The following ZRANB3 variants were observed in gnomAD, a reference collection of about 807,000 sequenced individuals.
The protein encoded by ZRANB3 is DNA annealing helicase and endonuclease ZRANB3.
ZRANB3 carries 125 observed loss-of-function variants against 133.8 expected under a neutral mutation model. The ratio of observed to expected loss-of-function variants is 0.93; its 90% CI spans 0.81 to 1.08. The LOEUF (loss-of-function observed/expected upper bound fraction) is 1.08, where lower values mean the gene tolerates loss of function less well. Ranked by LOEUF, ZRANB3 falls within the 50% of genes least tolerant of loss-of-function variation. The pLI is 0.00. For synonymous variants in ZRANB3, 387 were observed against 432.7 expected (o/e 0.89, Z 1.31); for missense variants, 1,229 against 1,275.5 (o/e 0.96, Z 0.56).
Position 135,202,882 on chromosome 2 carries a change from G to A in ZRANB3, c.3091C>T (p.Gln1031Ter). 4 of 1,611,436 alleles carry A rather than the reference G, an allele frequency of 2.5e-6. No individual in the cohort carries two copies. The highest frequency in any genetic ancestry group is 3.4e-6 in the Non-Finnish European group (4 of 1,178,802). ...GTCTGCAGGTTGTCCAGGGAACACT[G>A]TCCTCCTCCCCCATACACTGGCTTG... ...HIKPVYGGGG[Q>*]CSLDNLQTLC... Residue 1031 changes from glutamine (Q) to a stop codon, truncating the protein, a stop_gained, in exon 20 of 21, where the codon CAG (glutamine) becomes TAG (stop). Coordinates refer to ENST00000264159, the MANE Select transcript of ZRANB3 (RefSeq NM_032143.4). LOFTEE classifies it high-confidence loss of function.
chr2:135,437,368 G>C (rs1689591180), intron 2 of ZRANB3, among the ~76,000 whole-genome samples: 1 of 152,202 alleles, frequency 6.6e-6, no homozygotes, highest in Admixed American at 6.5e-5. Context: ...AAACACAAAT[G>C]AGTGTACAAC....
At chr2:135,357,257 C>T (rs897990156) in intron 3 of ZRANB3, among the ~76,000 whole-genome samples, 1 of 151,748 alleles carries the variant, frequency 6.6e-6, no homozygotes, top group African/African-American at 2.4e-5. Flanking sequence ...AGTGCCACCA[C>T]GCCTGGCTAA....
At chr2:135,235,099 G>A (rs1254019694) in intron 12 of ZRANB3, among the ~76,000 whole-genome samples, 1 of 152,086 alleles carries the variant, frequency 6.6e-6, no homozygotes, top group Non-Finnish European at 1.5e-5. Flanking sequence ...AAATGATAAA[G>A]GGGATATCAC....
chr2:135,230,588 A>T lies in ZRANB3; in HGVS notation c.1879T>A (p.Cys627Ser). 1 of 1,603,050 alleles carries T rather than the reference A, an allele frequency of 6.2e-7. No homozygotes were observed. Among genetic ancestry groups the T allele is most frequent in the Non-Finnish European group, 8.5e-7 (1 of 1,176,806 alleles). Residue 627 changes from cysteine (C) to serine (S), a missense_variant, in exon 13 of 21, where the codon TGT becomes AGT. Cys to Ser is a moderately radical substitution (Grantham distance 112). Transcript: ENST00000264159. Reference protein sequence around the residue: ...TPAFPVEGWQCSLCTYINNSE... With the variant: ...TPAFPVEGWQSSLCTYINNSE... ...TTATTGATATAGGTGCAGAGACTACATTGCCAGCCCTCTACAGGAAAGGCT... is the reference window on the plus strand; with the variant it reads ...TTATTGATATAGGTGCAGAGACTACTTTGCCAGCCCTCTACAGGAAAGGCT...
intron 3 of ZRANB3, among the ~76,000 whole-genome samples, chr2:135,378,979 T>A (rs557748256): frequency 2.2e-4 from 33 of 152,200 alleles, no homozygotes; most frequent in African/African-American, 7.5e-4. Context: ...ATATATTTTT[T>A]AAAAGGACAT....
At chr2:135,418,710 C>T (rs866769073) in intron 2 of ZRANB3, among the ~76,000 whole-genome samples, 8 of 151,788 alleles carry the variant, frequency 5.3e-5, no homozygotes, top group Non-Finnish European at 7.4e-5. Context: ...ACACTGAAGA[C>T]GGTGGGCAGA....
intron 3 of ZRANB3, chr2:135,355,178 T>C: frequency 2.1e-6 from 2 of 968,444 alleles, no homozygotes; most frequent in Non-Finnish European, 2.5e-6. Context: ...ACTGCTCCTG[T>C]TAACAACAAA....
intron 3 of ZRANB3, among the ~76,000 whole-genome samples, chr2:135,382,343 T>C (rs960741097): frequency 2.0e-5 from 3 of 151,874 alleles, no homozygotes; most frequent in African/African-American, 7.3e-5. Flanking sequence ...TGGGACTATG[T>C]GAAAAGACCA....
intron 8 of ZRANB3, among the ~76,000 whole-genome samples, chr2:135,304,802 T>C (rs944177709): frequency 2.9e-4 from 44 of 152,140 alleles, no homozygotes; most frequent in Non-Finnish European, 5.0e-4. Context: ...TTTTGTTGGC[T>C]TTCTTGACAT....
chr2:135,408,042 A>G (rs2104949772), intron 2 of ZRANB3, among the ~76,000 whole-genome samples: 1 of 151,928 alleles, frequency 6.6e-6, no homozygotes, highest in East Asian at 1.9e-4. Flanking sequence ...CAGGCAACCT[A>G]CAGAATGGGA....
chr2:135,420,103 A>G (rs13385698), intron 2 of ZRANB3, among the ~76,000 whole-genome samples: 3 of 123,788 alleles, frequency 2.4e-5, no homozygotes, highest in African/African-American at 1.1e-4. Context: ...ATATATATAT[A>G]TATATATATA....
At chr2:135,362,755 C>G (rs911101871) in intron 3 of ZRANB3, among the ~76,000 whole-genome samples, 2 of 152,126 alleles carry the variant, frequency 1.3e-5, no homozygotes, top group Non-Finnish European at 2.9e-5. Context: ...TCCAGAGTAC[C>G]TAGGATTACA....
intron 2 of ZRANB3, among the ~76,000 whole-genome samples, chr2:135,441,078 G>C (rs528527285): frequency 1.3e-5 from 2 of 151,868 alleles, no homozygotes; most frequent in African/African-American, 4.8e-5. Context: ...ATCAGGGTCC[G>C]AAACTTCCCA....
At chr2:135,388,516 G>T (rs1187336771) in intron 3 of ZRANB3, among the ~76,000 whole-genome samples, 1 of 152,136 alleles carries the variant, frequency 6.6e-6, no homozygotes, top group African/African-American at 2.4e-5. Flanking sequence ...CATAAAGGAT[G>T]CTGTTTGTTA....
At chr2:135,264,470 C>CA (rs201380002) in intron 12 of ZRANB3, among the ~76,000 whole-genome samples, 711 of 64,536 alleles carry the variant, frequency 0.011, 5 homozygotes, top group African/African-American at 0.03. Flanking sequence ...GACTCTGTCT[C>CA]AAAAAAAAAA....
chr2:135,414,990 C>A (rs1384207141), intron 2 of ZRANB3, among the ~76,000 whole-genome samples: 1 of 151,706 alleles, frequency 6.6e-6, no homozygotes, highest in Non-Finnish European at 1.5e-5. Flanking sequence ...TAAATGCCCA[C>A]AAGAGAAAGC....
chr2:135,453,598 G>T (rs965466199), intron 2 of ZRANB3, among the ~76,000 whole-genome samples: 3 of 152,108 alleles, frequency 2.0e-5, no homozygotes, highest in Admixed American at 2.0e-4. Flanking sequence ...AAATCTCTAG[G>T]GCAGGGGCAA....
intron 3 of ZRANB3, among the ~76,000 whole-genome samples, chr2:135,372,316 CA>C (rs1364258586): frequency 2.0e-5 from 3 of 152,166 alleles, no homozygotes; most frequent in African/African-American, 4.8e-5. Flanking sequence ...TCCCAGCCCC[CA>C]GAACTGTGAG....
At chr2:135,379,844 C>T (rs1686605931) in intron 3 of ZRANB3, among the ~76,000 whole-genome samples, 2 of 151,864 alleles carry the variant, frequency 1.3e-5, no homozygotes, top group South Asian at 2.1e-4. Context: ...CGAAATGTAC[C>T]CATTAAAAGA....
Sources: gnomAD v4.1 joint callset for allele counts (sites outside exome capture counted in the v4.1 genomes callset) on GRCh38, gnomAD v4.1.1 for gene constraint, MANE v1.5 for transcripts, NCBI Gene and HGNC (gene_info 2026-07-23, HGNC 2026-07-21) for gene names.